CEP126: variants seen among roughly 807,000 people sequenced by gnomAD.
The protein encoded by CEP126 is centrosomal protein 126, also known as centrosomal protein of 126 kDa.
A neutral mutation model predicts 107.8 loss-of-function variants in CEP126; 74 were observed. The observed-to-expected ratio is 0.69, with a 90% CI of 0.57 to 0.83. CEP126 has a LOEUF of 0.83. CEP126 is among the 40% of genes least tolerant of loss of function. CEP126 has a pLI of 0.00. For synonymous variants in CEP126, 449 were observed against 446.0 expected (o/e 1.01, Z -0.08); for missense variants, 1,237 against 1,281.9 (o/e 0.96, Z 0.53).
rs1389218301 is a variant in CEP126, at chr11:101,980,063, A to G, written c.2958+1604A>G. On this transcript the variant is annotated intron_variant, in intron 7 of 10. Coordinates refer to ENST00000263468, the MANE Select transcript of CEP126 (RefSeq NM_020802.4). ...TGATTTTTATATGGATAAGATTACT[A>G]ATGTGGAGAATAATCAACAATGATC... 2.6e-5 allele frequency among the ~76,000 whole-genome samples: 4 copies of G among 152,196 alleles called. No individual in the cohort carries two copies. The East Asian group carries it at 5.8e-4, about 22-fold the overall frequency.
At chr11:101,987,428 A>G (rs988642141) in intron 9 of CEP126, among the ~76,000 whole-genome samples, 1 of 152,178 alleles carries the variant, frequency 6.6e-6, no homozygotes, top group African/African-American at 2.4e-5. Context: ...CTAAATGTAG[A>G]TAAGAACTCA....
At chr11:101,956,812 C>T (rs1365608300) in intron 4 of CEP126, 3 of 434,548 alleles carry the variant, frequency 6.9e-6, no homozygotes, top group Non-Finnish European at 1.4e-5. Flanking sequence ...TTTCTACCTC[C>T]CCATCTCCTT....
chr11:101,930,794 G>C (rs141004938), intron 2 of CEP126, among the ~76,000 whole-genome samples: 48 of 152,278 alleles, frequency 3.2e-4, no homozygotes, highest in African/African-American at 1.1e-3. Context: ...GGCCCAGCTG[G>C]CTTCACCTCT....
intron 2 of CEP126, among the ~76,000 whole-genome samples, chr11:101,943,293 A>G (rs896633851): frequency 1.3e-5 from 2 of 152,008 alleles, no homozygotes; most frequent in African/African-American, 4.8e-5. Flanking sequence ...GTAGTCCTCT[A>G]TCGCCTGAAA....
intron 6 of CEP126, among the ~76,000 whole-genome samples, chr11:101,964,515 C>G (rs1412645608): frequency 1.3e-5 from 2 of 151,966 alleles, no homozygotes; most frequent in Non-Finnish European, 2.9e-5. Flanking sequence ...TGCCTGTAAT[C>G]CCTGCTGCCT....
chr11:101,962,783 C>G lies in CEP126; in HGVS notation c.1748C>G (p.Ser583Cys), dbSNP rs373034332. The G allele has an allele frequency of 6.2e-7, 1 of 1,603,168 alleles. No individual in the cohort carries two copies. The highest frequency in any genetic ancestry group is 8.5e-7 in the Non-Finnish European group (1 of 1,176,682). Residue 583 changes from serine to cysteine, a missense_variant, in exon 6 of 11, where the codon TCT becomes TGT. This residue lies in a region of CEP126 where 1,134 missense variants were observed against 1,150.5 expected (regional missense o/e 0.99). Transcript: ENST00000263468. ...CTTAAAAGTATTTTAAAGAAAGAAT[C>G]TAAATATGAACATGGTTATCTTAAG... Reference protein sequence around the residue: ...RFLKSILKKESKYEHGYLKAL... With the variant: ...RFLKSILKKECKYEHGYLKAL...
intron 2 of CEP126, among the ~76,000 whole-genome samples, chr11:101,938,837 A>G (rs1940628820): frequency 6.6e-6 from 1 of 152,010 alleles, no homozygotes; most frequent in Non-Finnish European, 1.5e-5. Flanking sequence ...TGGTTTACTT[A>G]GAACTATGTT....
Position 101,963,330 on chromosome 11 carries a change from C to T in CEP126, c.2295C>T (p.Val765=). The part of the protein sequence containing the change: ...KIIRKPGSAK[V]QSGFICTNRK... Reference sequence around the variant, plus strand: ...TTAGAAAACCAGGATCTGCAAAAGTCCAATCAGGCTTTATATGTACAAACA... The same window carrying T: ...TTAGAAAACCAGGATCTGCAAAAGTTCAATCAGGCTTTATATGTACAAACA... The change falls in exon 6 of 11, where the codon GTC becomes GTT. Residue 765 remains valine (V), a synonymous_variant. Coordinates refer to ENST00000263468, the MANE Select transcript of CEP126 (RefSeq NM_020802.4). The T allele has an allele frequency of 1.9e-6, 3 of 1,613,850 alleles. No individual in the cohort carries two copies. The highest frequency in any genetic ancestry group is 2.5e-6 in the Non-Finnish European group (3 of 1,179,980).
intron 8 of CEP126, among the ~76,000 whole-genome samples, chr11:101,986,542 A>T (rs544758150): frequency 5.3e-5 from 8 of 152,320 alleles, no homozygotes; most frequent in Non-Finnish European, 8.8e-5. Flanking sequence ...AACATGACAA[A>T]AACTATCTGC....
intron 4 of CEP126, among the ~76,000 whole-genome samples, chr11:101,955,632 G>C (rs1940875849): frequency 1.3e-5 from 2 of 152,186 alleles, no homozygotes; most frequent in Admixed American, 1.3e-4. Flanking sequence ...CAGTACATGT[G>C]AGAGGACACT....
intron 8 of CEP126, among the ~76,000 whole-genome samples, chr11:101,985,719 A>G (rs1334652026): frequency 6.6e-6 from 1 of 152,248 alleles, no homozygotes; most frequent in African/African-American, 2.4e-5. Flanking sequence ...AACATTTACA[A>G]TAATGAAAAA....
intron 7 of CEP126, among the ~76,000 whole-genome samples, chr11:101,981,065 G>A (rs1941249217): frequency 6.6e-6 from 1 of 152,218 alleles, no homozygotes; most frequent in South Asian, 2.1e-4. Flanking sequence ...CTCTCAGAAA[G>A]TGTTAGATGT....
At chr11:101,971,551 G>A (rs543367347) in intron 6 of CEP126, among the ~76,000 whole-genome samples, 10 of 151,692 alleles carry the variant, frequency 6.6e-5, no homozygotes, top group Non-Finnish European at 1.0e-4. Flanking sequence ...GAGGTGTTGC[G>A]TTGTTTTTGT....
At chr11:101,931,832 T>C (rs1940504548) in intron 2 of CEP126, among the ~76,000 whole-genome samples, 1 of 152,230 alleles carries the variant, frequency 6.6e-6, no homozygotes, top group East Asian at 1.9e-4. Flanking sequence ...GTTTATTTGC[T>C]CACTTCTCAA....
chr11:101,956,996 G>C (rs1019834373), intron 4 of CEP126: 7 of 303,988 alleles, frequency 2.3e-5, no homozygotes, highest in African/African-American at 1.6e-4. Context: ...TATTTTGTTT[G>C]GGAAGGGCGA....
intron 5 of CEP126, among the ~76,000 whole-genome samples, chr11:101,959,848 G>C (rs982149297): frequency 3.9e-5 from 6 of 152,076 alleles, no homozygotes; most frequent in African/African-American, 1.4e-4. Flanking sequence ...CCAAGCTGAA[G>C]CTTTGGGAGA....
intron 1 of CEP126, chr11:101,916,169 T>C (rs1161033812): frequency 6.6e-6 from 1 of 152,270 alleles, no homozygotes; most frequent in East Asian, 1.9e-4. Context: ...TTGGCAATGA[T>C]GGTGTTGTGT....
intron 6 of CEP126, among the ~76,000 whole-genome samples, chr11:101,972,780 G>A (rs777146385): frequency 8.6e-5 from 13 of 152,030 alleles, no homozygotes; most frequent in South Asian, 6.2e-4. Flanking sequence ...CAGCCTGGGC[G>A]ACAGAGTGAG....
At position 101,915,128 on chromosome 11, in the gene CEP126, C is replaced by A. The variant is rs1266463754; in HGVS notation, c.-157C>A. On this transcript the variant is annotated 5_prime_UTR_variant, in exon 1 of 11. Coordinates refer to ENST00000263468, the MANE Select transcript of CEP126 (RefSeq NM_020802.4). ...GCCGCTACAGGCACCAGTGCCGCTGCGCGGGAGCTAGGGCTGTCGAGGCCA... is the reference window on the plus strand; with the variant it reads ...GCCGCTACAGGCACCAGTGCCGCTGAGCGGGAGCTAGGGCTGTCGAGGCCA... 6 of 1,128,166 alleles carry A rather than the reference C, an allele frequency of 5.3e-6. No individual in the cohort carries two copies. The highest frequency in any genetic ancestry group is 7.4e-6 in the Non-Finnish European group (6 of 815,130). The allele number at this position is 1,128,166 out of a possible 1,614,324, so 69.9% of individuals were successfully genotyped here.
Sources: gnomAD v4.1 joint callset for allele counts (sites outside exome capture counted in the v4.1 genomes callset) on GRCh38, gnomAD v4.1.1 for gene constraint, gnomAD v4.1.1 regional missense constraint, MANE v1.5 for transcripts, NCBI Gene and HGNC (gene_info 2026-07-23, HGNC 2026-07-21) for gene names.